The following IL22RA2 variants were observed in gnomAD, a reference collection of about 807,000 sequenced individuals.
IL22RA2 encodes the protein interleukin 22 receptor subunit alpha 2.
A neutral mutation model predicts 30.7 loss-of-function variants in IL22RA2; 39 were observed. The ratio of observed to expected loss-of-function variants is 1.27; its 90% confidence interval spans 0.98 to 1.66. IL22RA2 has a LOEUF of 1.66. IL22RA2 is among the 40% of genes most tolerant of loss of function. IL22RA2 has a pLI of 0.00. For missense variants in IL22RA2, 315 were observed against 312.7 expected, an observed-to-expected ratio of 1.01 and a Z score of -0.05; for synonymous variants, 103 against 105.0, an observed-to-expected ratio of 0.98 and a Z score of 0.11.
intron 5 of IL22RA2, among the ~76,000 whole-genome samples, chr6:137,153,602 C>A (rs1161786152): frequency 6.6e-6 from 1 of 152,166 alleles, no homozygotes; most frequent in Non-Finnish European, 1.5e-5. Context: ...GAAGTCGAGG[C>A]TCTCTCCTGA....
rs752155967 is a variant in IL22RA2, at chr6:137,156,823, G to A, written c.229C>T (p.Gln77Ter). Residue 77 changes from glutamine to a stop codon, truncating the protein, a stop_gained, in exon 4 of 7, where the codon CAG (glutamine) becomes TAG (stop). Transcript: ENST00000296980. LOFTEE classifies it high-confidence loss of function. Reference sequence around the variant, plus strand: ...TGCTGCCAGCATCCACTTGGCTTCTGGTGAGAGCTTTTCATGCTGCATGAG... The same window carrying A: ...TGCTGCCAGCATCCACTTGGCTTCTAGTGAGAGCTTTTCATGCTGCATGAG... ...MFSCSMKSSH[Q>*]KPSGCWQHIS... The A allele has an allele frequency of 6.8e-6, 11 of 1,613,770 alleles. No homozygotes were observed. The highest frequency in any genetic ancestry group is 9.3e-6 in the Non-Finnish European group (11 of 1,179,716).
intron 1 of IL22RA2, among the ~76,000 whole-genome samples, chr6:137,164,784 T>C (rs1408875280): frequency 1.3e-5 from 2 of 152,202 alleles, no homozygotes; most frequent in African/African-American, 2.4e-5. Flanking sequence ...ACAAATTTAT[T>C]TGAATGCACA....
intron 5 of IL22RA2, among the ~76,000 whole-genome samples, chr6:137,150,954 C>T (rs972889838): frequency 1.3e-5 from 2 of 152,082 alleles, no homozygotes; most frequent in African/African-American, 4.8e-5. Flanking sequence ...CTGGACCTTG[C>T]ACCAGTTAGA....
At chr6:137,146,629 G>C (rs1479193892) in intron 6 of IL22RA2, among the ~76,000 whole-genome samples, 2 of 152,094 alleles carry the variant, frequency 1.3e-5, no homozygotes, top group Non-Finnish European at 2.9e-5. Context: ...CCTCATCTTA[G>C]ATGGCACCAA....
At chr6:137,156,727 G>A (rs1184165135) in intron 4 of IL22RA2, 32 bp downstream of exon 4, 1 of 1,605,094 alleles carries the variant, frequency 6.2e-7, no homozygotes, top group African/African-American at 1.3e-5. Flanking sequence ...GAACACCTGA[G>A]GCTAGGTAAT....
intron 2 of IL22RA2, among the ~76,000 whole-genome samples, chr6:137,161,006 A>C (rs1778510241): frequency 6.6e-6 from 1 of 152,220 alleles, no homozygotes; most frequent in African/African-American, 2.4e-5. Flanking sequence ...CCCATTTGTT[A>C]ACTTGCATTC....
intron 1 of IL22RA2, among the ~76,000 whole-genome samples, chr6:137,170,588 C>T (rs1274635913): frequency 6.6e-6 from 1 of 152,202 alleles, no homozygotes; most frequent in Non-Finnish European, 1.5e-5. Flanking sequence ...TCCCGCCTCA[C>T]GTAGTTCCCA....
Position 137,145,501 on chromosome 6 carries a change from T to C in IL22RA2, c.*123A>G, listed in dbSNP as rs1778159297. 6 of 790,282 alleles carry C rather than the reference T, an allele frequency of 7.6e-6. No individual in the cohort carries two copies. The highest frequency in any genetic ancestry group is 1.2e-5 in the Non-Finnish European group (6 of 518,472). 49.0% of individuals were successfully genotyped at this position (790,282 alleles called of 1,614,324 possible). On this transcript the variant is annotated 3_prime_UTR_variant, in exon 7 of 7. Transcript: ENST00000296980. ...GATAAACAAAGAAGTCCCCAAGGTGTAACAGTGAATATTGCTTTAAGAAAA... is the reference window on the plus strand; with the variant it reads ...GATAAACAAAGAAGTCCCCAAGGTGCAACAGTGAATATTGCTTTAAGAAAA...
intron 1 of IL22RA2, 42 bp downstream of exon 1, chr6:137,173,371 A>C (rs1194202278): frequency 1.3e-5 from 2 of 152,246 alleles, no homozygotes; most frequent in African/African-American, 4.8e-5. Context: ...GCGAGAGTCC[A>C]TCTCAAAAAA....
chr6:137,150,114 A>ATCT (rs1778259375), intron 5 of IL22RA2, among the ~76,000 whole-genome samples: 1 of 152,206 alleles, frequency 6.6e-6, no homozygotes, highest in African/African-American at 2.4e-5. Flanking sequence ...TTGTCTCTAG[A>ATCT]TAGACACCAT....
Position 137,145,604 on chromosome 6 carries a change from T to C in IL22RA2, c.*20A>G, listed in dbSNP as rs1481849892. ...GGGAGCTTTAGAATTTCCACATTGC[T>C]GAATGCCAAATTCCACAAGTCATGG... On this transcript the variant is annotated 3_prime_UTR_variant, in exon 7 of 7. Coordinates refer to ENST00000296980, the MANE Select transcript of IL22RA2 (RefSeq NM_052962.3). 5.6e-6 allele frequency: 9 copies of C among 1,593,812 alleles called. No homozygotes were observed. Among genetic ancestry groups the C allele is most frequent in the Non-Finnish European group, 7.7e-6 (9 of 1,169,248 alleles).
rs1401610072 is a variant in IL22RA2, at chr6:137,173,497, T to G, written c.-150A>C. The stretch of plus-strand genomic sequence containing the variant: ...ATAATTATGGGACGCCATGTTATGT[T>G]TTTCCCATATTTTGTCTTTGTTAAT... On this transcript the variant is annotated 5_prime_UTR_variant, in exon 1 of 7. Transcript: ENST00000296980. 1 of 152,264 alleles carries G rather than the reference T, an allele frequency of 6.6e-6. No individual in the cohort carries two copies. Among genetic ancestry groups the G allele is most frequent in the Non-Finnish European group, 1.5e-5 (1 of 68,046 alleles). 9.4% of individuals were successfully genotyped at this position (152,264 alleles called of 1,614,324 possible).
chr6:137,150,661 A>C (rs576673164), intron 5 of IL22RA2, among the ~76,000 whole-genome samples: 3 of 152,220 alleles, frequency 2.0e-5, no homozygotes, highest in African/African-American at 7.2e-5. Context: ...TTGTTTGATA[A>C]GTAAATTTGA....
At chr6:137,161,927 T>C (rs1778529671) in intron 1 of IL22RA2, 113 bp from the exon 2 acceptor site, 1 of 492,686 alleles carries the variant, frequency 2.0e-6, no homozygotes, top group East Asian at 3.0e-5. Context: ...AGGAAAAATA[T>C]GAAAGTATAA....
chr6:137,162,489 C>G (rs952937173), intron 1 of IL22RA2, among the ~76,000 whole-genome samples: 1 of 152,154 alleles, frequency 6.6e-6, no homozygotes, highest in Non-Finnish European at 1.5e-5. Context: ...CCTGTCAAAC[C>G]ACATGATTCC....
Position 137,144,974 on chromosome 6 carries a change from T to C in IL22RA2, c.*650A>G, listed in dbSNP as rs1285586962. 2.0e-5 allele frequency: 3 copies of C among 152,050 alleles called. No homozygotes were observed. Among genetic ancestry groups the C allele is most frequent in the Non-Finnish European group, 4.4e-5 (3 of 67,984 alleles). 9.4% of individuals were successfully genotyped at this position (152,050 alleles called of 1,614,324 possible). A position where few individuals can be genotyped will look rare whatever the true frequency, so the allele number is the denominator to read the frequency against. On this transcript the variant is annotated 3_prime_UTR_variant, in exon 7 of 7. Transcript: ENST00000296980. ...GCAGACTTCCTTGTTGTTGATAGTT[T>C]TAATTCAGATATCAATCCAGAAATC...
intron 1 of IL22RA2, among the ~76,000 whole-genome samples, 178 bp downstream of exon 1, chr6:137,173,235 G>C (rs557123019): frequency 2.0e-5 from 3 of 152,192 alleles, no homozygotes; most frequent in Non-Finnish European, 4.4e-5. Context: ...AGCCAGGCGT[G>C]ACGGTGTGTG....
intron 1 of IL22RA2, among the ~76,000 whole-genome samples, chr6:137,170,038 G>A (rs1778699208): frequency 6.6e-6 from 1 of 152,130 alleles, no homozygotes; most frequent in Non-Finnish European, 1.5e-5. Flanking sequence ...CATAAAAGGT[G>A]GATGCCTACT....
intron 2 of IL22RA2, 70 bp from the exon 3 acceptor site, chr6:137,158,552 A>C: frequency 6.6e-7 from 1 of 1,517,228 alleles, no homozygotes. Context: ...AGTAGTTTTC[A>C]GTGGAATACC....
Sources: allele counts gnomAD v4.1 joint callset (sites outside exome capture counted in the v4.1 genomes callset), GRCh38; gene constraint gnomAD v4.1.1; transcripts MANE v1.5; gene names NCBI Gene and HGNC (gene_info 2026-07-23, HGNC 2026-07-21).